The following AARS1 variants were observed in gnomAD, a reference collection of about 807,000 sequenced individuals.
The protein encoded by AARS1 is alanyl-tRNA synthetase 1, also known as alanine--tRNA ligase, cytoplasmic.
Under a neutral mutation model 108.9 loss-of-function variants are expected in AARS1, and 72 were observed. The observed-to-expected ratio is 0.66, with a 90% CI of 0.55 to 0.80. The LOEUF is 0.80. Among genes scored for constraint, AARS1 ranks in the 30% least tolerant of loss-of-function variants. The pLI, the probability that AARS1 is intolerant of heterozygous loss-of-function variation, is 0.00. For synonymous variants in AARS1, 489 were observed against 465.7 expected (o/e 1.05, Z -0.64); for missense variants, 1,193 against 1,233.2 (o/e 0.97, Z 0.49).
Position 70,271,954 on chromosome 16 carries a change from G to C in AARS1, c.498C>G (p.Ile166Met). The C allele has an allele frequency of 6.2e-7, 1 of 1,614,034 alleles. No homozygotes were observed. Among genetic ancestry groups the C allele is most frequent in the Non-Finnish European group, 8.5e-7 (1 of 1,180,000 alleles). ...AGTTATCCTTCATGTTGCCTGGGAG[G>C]ATTTTGGTGTCATCCAGCCTGACAA... ...WQNLGLDDTKILPGNMKDNFW... is the reference protein window; with the variant it reads ...WQNLGLDDTKMLPGNMKDNFW... Residue 166 changes from isoleucine to methionine, a missense_variant, in exon 5 of 21, where the codon ATC (isoleucine) becomes ATG (methionine). Ile to Met is a conservative substitution (Grantham distance 10). Coordinates refer to ENST00000261772, the MANE Select transcript of AARS1 (RefSeq NM_001605.3).
intron 14 of AARS1, among the ~76,000 whole-genome samples, 172 bp from the exon 15 acceptor site, chr16:70,258,389 A>G (rs971046293): frequency 3.9e-5 from 6 of 152,194 alleles, no homozygotes; most frequent in Non-Finnish European, 8.8e-5. Flanking sequence ...GGGCATCAGT[A>G]TGGGAATTTC....
intron 4 of AARS1, among the ~76,000 whole-genome samples, chr16:70,275,528 C>A (rs931533481): frequency 6.6e-6 from 1 of 151,312 alleles, no homozygotes; most frequent in Non-Finnish European, 1.5e-5. Flanking sequence ...TTTGGGAGGC[C>A]GAGGCAGGCG....
chr16:70,255,578 G>A, intron 16 of AARS1, 150 bp downstream of exon 16: 1 of 721,590 alleles, frequency 1.4e-6, no homozygotes, highest in Non-Finnish European at 2.5e-6. Flanking sequence ...TGCCACTCAG[G>A]GGTAGGACAC....
intron 2 of AARS1, among the ~76,000 whole-genome samples, chr16:70,281,702 T>C (rs980406735): frequency 6.6e-6 from 1 of 151,976 alleles, no homozygotes; most frequent in Non-Finnish European, 1.5e-5. Context: ...AAAATAATTT[T>C]AAAAGCTGAC....
At chr16:70,261,359 G>A in intron 12 of AARS1, 1 of 436,088 alleles carries the variant, frequency 2.3e-6, no homozygotes, top group Non-Finnish European at 4.3e-6. Context: ...ACTTTGGGAG[G>A]CTCAGGTGAG....
chr16:70,267,871 T>C, intron 8 of AARS1, 62 bp from the exon 9 acceptor site: 2 of 1,611,042 alleles, frequency 1.2e-6, no homozygotes, highest in Non-Finnish European at 1.7e-6. Context: ...CTGCCCCGTC[T>C]TAAAAAAGCT....
chr16:70,257,618 C>A (rs1960023376), intron 15 of AARS1, among the ~76,000 whole-genome samples: 1 of 152,048 alleles, frequency 6.6e-6, no homozygotes, highest in Non-Finnish European at 1.5e-5. Context: ...AGCTACATTC[C>A]CCAGATGCCG....
Position 70,280,240 on chromosome 16 carries a change from G to C in AARS1, c.144+2380C>G, listed in dbSNP as rs147568833. On this transcript the variant is annotated intron_variant, in intron 2 of 20. Transcript: ENST00000261772. ...CCCATAATTTTCTCTTTTTTGAGAC[G>C]GAGTCTCACTCTGTTGCCCAGGCTG... Among the ~76,000 whole-genome samples, 486 of 151,980 alleles carry C rather than the reference G, an allele frequency of 3.2e-3. 7 individuals are homozygous for C. Among genetic ancestry groups the C allele is most frequent in the Non-Finnish European group, 5.7e-3 (388 of 67,972 alleles).
At chr16:70,269,511 G>T in intron 7 of AARS1, 107 bp downstream of exon 7, 1 of 1,505,016 alleles carries the variant, frequency 6.6e-7, no homozygotes, top group Non-Finnish European at 9.0e-7. Context: ...TCCAGCCTGG[G>T]CAACAGAGCA....
intron 4 of AARS1, among the ~76,000 whole-genome samples, chr16:70,275,336 C>T (rs1224347121): frequency 2.6e-5 from 4 of 151,984 alleles, no homozygotes; most frequent in Non-Finnish European, 5.9e-5. Context: ...AAGATATGGG[C>T]CAGGCGTGGT....
At chr16:70,266,465 C>T (rs1960265870) in intron 9 of AARS1, among the ~76,000 whole-genome samples, 1 of 151,720 alleles carries the variant, frequency 6.6e-6, no homozygotes, top group Non-Finnish European at 1.5e-5. Context: ...CACTGCACTC[C>T]AGCCTGGGCA....
intron 11 of AARS1, among the ~76,000 whole-genome samples, chr16:70,263,429 G>C (rs906329084): frequency 2.6e-5 from 4 of 152,040 alleles, no homozygotes; most frequent in Admixed American, 2.6e-4. Context: ...AAATTAGCCA[G>C]GTGTGGTGGC....
chr16:70,269,548 G>C, intron 7 of AARS1, 70 bp downstream of exon 7: 2 of 1,600,044 alleles, frequency 1.2e-6, no homozygotes, highest in Non-Finnish European at 1.7e-6. Flanking sequence ...ACAAAGAAAA[G>C]TTTCATAAAG....
chr16:70,259,266 T>C (rs1399175032), intron 13 of AARS1, 80 bp from the exon 14 acceptor site: 2 of 1,423,404 alleles, frequency 1.4e-6, no homozygotes, highest in African/African-American at 2.8e-5. Flanking sequence ...CCCCGAGTGC[T>C]ACAATTTTTA....
rs1250024640 is a variant in AARS1 at position 70,252,340 on chromosome 16, A to G, written c.*381T>C. On this transcript the variant is annotated 3_prime_UTR_variant, in exon 21 of 21. Transcript: ENST00000261772. The stretch of plus-strand genomic sequence containing the variant: ...ATTCTACAGACGCCAAAGGCTGTCA[A>G]AAGAGCCAGCCCCTATTGGGAAGAG... 2.9e-6 allele frequency: 1 copy of G among 344,808 alleles called. No homozygotes were observed. The highest frequency in any genetic ancestry group is 5.4e-6 in the Non-Finnish European group (1 of 184,886). The allele number at this position is 344,808 out of a possible 1,614,324, so 21.4% of individuals were successfully genotyped here. A position where few individuals can be genotyped will look rare whatever the true frequency, so the allele number is the denominator to read the frequency against.
In AARS1 at chr16:70,262,042, G is replaced by A. The variant is rs1220419055; in HGVS notation, c.1671+304C>T. 2.0e-5 allele frequency among the ~76,000 whole-genome samples: 3 copies of A among 152,298 alleles called. No homozygotes were observed. The East Asian group carries it at 5.8e-4, about 29-fold the overall frequency. The stretch of plus-strand genomic sequence containing the variant: ...AGACAAAGTAACTCATTCAGCAGCG[G>A]CAGAGCTCGAGGCTGAGTTTTCTAC... On this transcript the variant is annotated intron_variant, in intron 12 of 20. Transcript: ENST00000261772.
At chr16:70,257,168 GA>G (rs1960011333) in intron 15 of AARS1, among the ~76,000 whole-genome samples, 1 of 151,936 alleles carries the variant, frequency 6.6e-6, no homozygotes, top group Non-Finnish European at 1.5e-5. Flanking sequence ...AGACTCGCTT[GA>G]ACCCTGGAGG....
chr16:70,262,528 C>A lies in AARS1; in HGVS notation c.1493-4G>T. The A allele has an allele frequency of 6.2e-7, 1 of 1,606,918 alleles. No individual in the cohort carries two copies. Among genetic ancestry groups the A allele is most frequent in the South Asian group, 1.1e-5 (1 of 90,848 alleles). ...GTAGCCACTGTGTTCTCAAATACTGCTCAAGGGAAATGCATAGAAAGGGGA... is the reference window on the plus strand; with the variant it reads ...GTAGCCACTGTGTTCTCAAATACTGATCAAGGGAAATGCATAGAAAGGGGA... On this transcript the variant is annotated splice_polypyrimidine_tract_variant and splice_region_variant and intron_variant, in intron 11 of 20. Transcript: ENST00000261772.
intron 2 of AARS1, among the ~76,000 whole-genome samples, chr16:70,279,670 CAAAAAAA>C (rs367753826): frequency 3.5e-5 from 4 of 114,582 alleles, no homozygotes; most frequent in African/African-American, 1.3e-4. Context: ...CAAAAAAAAA[CAAAAAAA>C]AAAAAAAAAA....
Sources: gnomAD v4.1 joint callset for allele counts (sites outside exome capture counted in the v4.1 genomes callset) on GRCh38, gnomAD v4.1.1 for gene constraint, MANE v1.5 for transcripts, NCBI Gene and HGNC (gene_info 2026-07-23, HGNC 2026-07-21) for gene names.